The following ENOX1 variants were observed in gnomAD, a reference collection of about 807,000 sequenced individuals.
ENOX1 encodes ecto-NOX disulfide-thiol exchanger 1, also known as candidate growth-related and time keeping constitutive hydroquinone (NADH) oxidase.
In ENOX1, 42 loss-of-function variants were observed where a neutral mutation model predicts 82.5. That is an observed-to-expected ratio of 0.51 (90% CI 0.40 to 0.66). The LOEUF (loss-of-function observed/expected upper bound fraction) is 0.66. Among genes scored for constraint, ENOX1 ranks in the 30% least tolerant of loss-of-function variants. The pLI is 0.00. For missense variants in ENOX1, 608 were observed against 811.6 expected (o/e 0.75, Z 3.05); for synonymous variants, 271 against 282.2 (o/e 0.96, Z 0.40).
chr13:43,693,530 C>G (rs1224507841), intron 1 of ENOX1, among the ~76,000 whole-genome samples: 1 of 152,160 alleles, frequency 6.6e-6, no homozygotes, highest in African/African-American at 2.4e-5. Flanking sequence ...CAGTCAGCTA[C>G]TATTCTAATT....
At chr13:43,330,787 C>T (rs1009766780) in intron 9 of ENOX1, among the ~76,000 whole-genome samples, 2 of 152,182 alleles carry the variant, frequency 1.3e-5, no homozygotes, top group Admixed American at 1.3e-4. Flanking sequence ...CAAACCCTCA[C>T]TAGTGGTTAT....
At chr13:43,661,571 C>G (rs9533573) in intron 2 of ENOX1, among the ~76,000 whole-genome samples, 61,435 of 152,004 alleles carry the variant, frequency 0.4, 12,558 homozygotes, top group African/African-American at 0.43. Context: ...TCTGCCAATA[C>G]TGTATAGGGC....
intron 2 of ENOX1, among the ~76,000 whole-genome samples, chr13:43,487,965 C>T (rs935997229): frequency 2.0e-5 from 3 of 152,176 alleles, no homozygotes; most frequent in Admixed American, 2.0e-4. Context: ...GCAGGAATCT[C>T]ATCATTTATA....
intron 8 of ENOX1, among the ~76,000 whole-genome samples, 166 bp from the exon 9 acceptor site, chr13:43,344,916 C>T (rs529402287): frequency 6.6e-6 from 1 of 152,322 alleles, no homozygotes; most frequent in East Asian, 1.9e-4. Context: ...CTTAACTTCT[C>T]TTTTCCCATC....
chr13:43,692,366 G>A (rs1339690551), intron 1 of ENOX1, among the ~76,000 whole-genome samples: 1 of 152,014 alleles, frequency 6.6e-6, no homozygotes, highest in Non-Finnish European at 1.5e-5. Context: ...ATAATCCAAG[G>A]GGAGAAAGTT....
chr13:43,662,934 G>A (rs2084804946), intron 2 of ENOX1, among the ~76,000 whole-genome samples: 1 of 152,220 alleles, frequency 6.6e-6, no homozygotes, highest in African/African-American at 2.4e-5. Flanking sequence ...AATCATTCAT[G>A]AGTAGAGAAA....
At chr13:43,233,363 G>T (rs556586526) in intron 15 of ENOX1, among the ~76,000 whole-genome samples, 1 of 152,076 alleles carries the variant, frequency 6.6e-6, no homozygotes, top group Admixed American at 6.6e-5. Flanking sequence ...CAGAATGGTC[G>T]AACTCTAATA....
intron 1 of ENOX1, among the ~76,000 whole-genome samples, chr13:43,775,954 G>A (rs914755232): frequency 6.6e-6 from 1 of 152,120 alleles, no homozygotes; most frequent in Non-Finnish European, 1.5e-5. Flanking sequence ...GCTACTTGAG[G>A]CCTGTTTTTT....
In ENOX1 at chr13:43,730,944, G is replaced by A. The variant is rs1162187747; in HGVS notation, c.-285+55708C>T. 3.3e-5 allele frequency among the ~76,000 whole-genome samples: 5 copies of A among 152,156 alleles called. No individual in the cohort carries two copies. In the East Asian group the frequency reaches 7.7e-4, roughly 23 times the overall value. ...CTCAGCACTCCTATGATACCCTGCAGCAGCTGCTGCTCTTTAACATTGCTC... is the reference window on the plus strand; with the variant it reads ...CTCAGCACTCCTATGATACCCTGCAACAGCTGCTGCTCTTTAACATTGCTC... On this transcript the variant is annotated intron_variant, in intron 1 of 16. Coordinates refer to ENST00000690772, the MANE Select transcript of ENOX1 (RefSeq NM_001347969.2).
intron 14 of ENOX1, among the ~76,000 whole-genome samples, chr13:43,256,022 C>A (rs927631588): frequency 6.6e-6 from 1 of 152,116 alleles, no homozygotes; most frequent in African/African-American, 2.4e-5. Context: ...TTATAGCCAA[C>A]TGATTTTCAA....
At chr13:43,722,726 GT>G (rs759791686) in intron 1 of ENOX1, among the ~76,000 whole-genome samples, 1 of 150,734 alleles carries the variant, frequency 6.6e-6, no homozygotes, top group Non-Finnish European at 1.5e-5. Context: ...TACTCTAAAG[GT>G]AAAAAAAAAA....
intron 3 of ENOX1, among the ~76,000 whole-genome samples, chr13:43,450,010 T>C (rs2153629936): frequency 6.6e-6 from 1 of 152,354 alleles, no homozygotes. Flanking sequence ...ATGGTTCCAT[T>C]ACCTCGGAGG....
At chr13:43,733,456 A>G (rs2089453104) in intron 1 of ENOX1, among the ~76,000 whole-genome samples, 1 of 152,222 alleles carries the variant, frequency 6.6e-6, no homozygotes, top group Non-Finnish European at 1.5e-5. Context: ...CAAACATGTC[A>G]GAAGCATCAA....
intron 2 of ENOX1, among the ~76,000 whole-genome samples, chr13:43,662,896 T>C (rs936169191): frequency 2.0e-5 from 3 of 152,216 alleles, no homozygotes; most frequent in Non-Finnish European, 2.9e-5. Context: ...CAGCATCTAT[T>C]CAAAGTTCTG....
chr13:43,426,686 G>C (rs1274596106), intron 3 of ENOX1, among the ~76,000 whole-genome samples: 1 of 152,238 alleles, frequency 6.6e-6, no homozygotes, highest in East Asian at 1.9e-4. Context: ...GAACTGCAGT[G>C]GCTGTCAACT....
At chr13:43,218,253 G>C (rs1277946849) in intron 16 of ENOX1, among the ~76,000 whole-genome samples, 1 of 152,180 alleles carries the variant, frequency 6.6e-6, no homozygotes, top group Non-Finnish European at 1.5e-5. Flanking sequence ...CTGCCACAAA[G>C]ATGCAAATAA....
rs981379050 is a variant in ENOX1, at chr13:43,476,988, T to C, written c.-75+7021A>G. 1.3e-4 allele frequency among the ~76,000 whole-genome samples: 20 copies of C among 151,636 alleles called. No homozygotes were observed. In the South Asian group the frequency reaches 2.9e-3, roughly 22 times the overall value. ...AACATACTTCATTTGTGGAAAACTA[T>C]ACAACAATTAACCACTATGAATGAA... On this transcript the variant is annotated intron_variant, in intron 3 of 16. Coordinates refer to ENST00000690772, the MANE Select transcript of ENOX1 (RefSeq NM_001347969.2).
chr13:43,514,586 A>G (rs937999879), intron 2 of ENOX1, among the ~76,000 whole-genome samples: 1 of 152,026 alleles, frequency 6.6e-6, no homozygotes, highest in African/African-American at 2.4e-5. Context: ...TCCCCACCCA[A>G]GTTCTAGATT....
intron 2 of ENOX1, among the ~76,000 whole-genome samples, chr13:43,539,316 AT>A (rs937216343): frequency 4.6e-5 from 7 of 152,108 alleles, no homozygotes; most frequent in African/African-American, 1.7e-4. Flanking sequence ...AAGGCTATAC[AT>A]TTTCCTCAAA....
Sources: allele counts gnomAD v4.1 joint callset (sites outside exome capture counted in the v4.1 genomes callset), GRCh38; gene constraint gnomAD v4.1.1; transcripts MANE v1.5; gene names NCBI Gene and HGNC (gene_info 2026-07-23, HGNC 2026-07-21).